Variants in WDR45B observed in about 807,000 individuals in gnomAD.
WDR45B encodes WD repeat domain 45B, also known as WD repeat domain phosphoinositide-interacting protein 3.
A neutral mutation model predicts 44.6 loss-of-function variants in WDR45B; 20 were observed. The observed-to-expected ratio is 0.45, with a 90% confidence interval of 0.32 to 0.65. WDR45B has a LOEUF of 0.65. Among genes scored for constraint, WDR45B ranks in the 30% least tolerant of loss-of-function variants. The pLI, the probability that WDR45B is intolerant of heterozygous loss-of-function variation, is 0.05. For missense variants in WDR45B, 323 were observed against 430.2 expected, an observed-to-expected ratio of 0.75 and a Z score of 2.20; for synonymous variants, 169 against 164.9, an observed-to-expected ratio of 1.02 and a Z score of -0.19.
intron 2 of WDR45B, among the ~76,000 whole-genome samples, chr17:82,634,076 G>A (rs921932514): frequency 6.2e-5 from 9 of 145,416 alleles, no homozygotes; most frequent in Non-Finnish European, 1.0e-4. Context: ...GCTTGAACCC[G>A]GGAAGCGGAC....
intron 2 of WDR45B, among the ~76,000 whole-genome samples, chr17:82,640,046 G>A (rs1274913124): frequency 2.0e-5 from 3 of 152,082 alleles, no homozygotes; most frequent in African/African-American, 4.8e-5. Flanking sequence ...GACCTATGTC[G>A]GGGAGCAGGG....
At position 82,641,088 on chromosome 17, in the gene WDR45B, C is replaced by G. The variant is rs1236390740; in HGVS notation, c.142+2861G>C. Among the ~76,000 whole-genome samples, 3 of 151,018 alleles carry G rather than the reference C, an allele frequency of 2.0e-5. No homozygotes were observed. The Admixed American group carries it at 2.0e-4, about 10-fold the overall frequency. ...TTAAGTGATTCTCGTGCCTCAACCT[C>G]CCCAGTAATTTGAATTACAGGTATG... On this transcript the variant is annotated intron_variant, in intron 2 of 9. Transcript: ENST00000392325.
intron 1 of WDR45B, among the ~76,000 whole-genome samples, chr17:82,645,070 T>A (rs1227839685): frequency 1.3e-5 from 2 of 151,824 alleles, no homozygotes; most frequent in Non-Finnish European, 2.9e-5. Context: ...CCAAGGCAGG[T>A]GGATCACCTG....
At chr17:82,623,402 AAC>A (rs1555648338) in intron 5 of WDR45B, among the ~76,000 whole-genome samples, 31 of 140,260 alleles carry the variant, frequency 2.2e-4, no homozygotes, top group African/African-American at 5.8e-4. Context: ...AAAAAAAAAA[AAC>A]AAACAAAAAA....
intron 2 of WDR45B, among the ~76,000 whole-genome samples, chr17:82,631,789 A>G (rs1222078998): frequency 6.6e-6 from 1 of 151,946 alleles, no homozygotes; most frequent in Non-Finnish European, 1.5e-5. Flanking sequence ...TCACATTTCA[A>G]GAGGTGGCAA....
rs62079708 is a variant in WDR45B at position 82,635,767 on chromosome 17, T to C, written c.143-4745A>G. ...GCAACAAGTCATTCCCTTAGCAAGA[T>C]GTGATTCTAGCTAATGGTTAAGTAA... On this transcript the variant is annotated intron_variant, in intron 2 of 9. Coordinates refer to ENST00000392325, the MANE Select transcript of WDR45B (RefSeq NM_019613.4). 7.1e-3 allele frequency among the ~76,000 whole-genome samples: 1,086 copies of C among 152,070 alleles called. 10 individuals are homozygous for C. The highest frequency in any genetic ancestry group is 0.031 in the Middle Eastern group (9 of 294).
Position 82,621,657 on chromosome 17 carries a change from G to A in WDR45B, c.570C>T (p.Cys190=), listed in dbSNP as rs1416348802. The A allele has an allele frequency of 6.2e-7, 1 of 1,614,218 alleles. No individual in the cohort carries two copies. Among genetic ancestry groups the A allele is most frequent in the Middle Eastern group, 1.6e-4 (1 of 6,062 alleles). The change falls in exon 6 of 10, where the codon TGC becomes TGT. Residue 190 remains cysteine, a synonymous_variant. Coordinates refer to ENST00000392325, the MANE Select transcript of WDR45B (RefSeq NM_019613.4). ...TTGTTCCCTGCAGGTTGAGTGCAAT[G>A]CAGCTCAGGACACCCTCGTGTGCAG... ...DIPAHEGVLS[C]IALNLQGTRI...
At position 82,615,882 on chromosome 17, in the gene WDR45B, C is replaced by A; in HGVS notation, c.*37G>T. The A allele has an allele frequency of 1.3e-6, 2 of 1,589,358 alleles. No homozygotes were observed. Among genetic ancestry groups the A allele is most frequent in the Non-Finnish European group, 1.7e-6 (2 of 1,158,668 alleles). On this transcript the variant is annotated 3_prime_UTR_variant, in exon 10 of 10. Transcript: ENST00000392325. ...GGCACCAGCCCCGAGAGTCTGAAGG[C>A]GGCAGGTGGTGGGTGCTGTGGCGCC... is the stretch of plus-strand genomic sequence containing the variant.
intron 2 of WDR45B, among the ~76,000 whole-genome samples, chr17:82,642,089 T>C (rs1176269701): frequency 6.6e-6 from 1 of 152,008 alleles, no homozygotes; most frequent in Non-Finnish European, 1.5e-5. Flanking sequence ...CCATAGCCTG[T>C]CCCCCCACAC....
intron 8 of WDR45B, among the ~76,000 whole-genome samples, 196 bp from the exon 9 acceptor site, chr17:82,616,841 G>C (rs1016781075): frequency 1.3e-5 from 2 of 151,224 alleles, no homozygotes; most frequent in Admixed American, 1.3e-4. Flanking sequence ...TTTTTGAGAC[G>C]GAGTCTCGCT....
intron 3 of WDR45B, chr17:82,629,700 A>ATTCACG (rs75976357): frequency 0.045 from 44,036 of 985,334 alleles, 1,049 homozygotes; most frequent in Middle Eastern, 0.07. Context: ...TCTTCCGCAC[A>ATTCACG]TTCACGTTCA....
chr17:82,634,099 C>T (rs545235460), intron 2 of WDR45B, among the ~76,000 whole-genome samples: 3 of 124,760 alleles, frequency 2.4e-5, no homozygotes, highest in African/African-American at 6.3e-5. Flanking sequence ...TGCAGTGAGC[C>T]GAGATTGTGA....
intron 2 of WDR45B, among the ~76,000 whole-genome samples, chr17:82,638,047 G>A (rs1223115163): frequency 2.0e-5 from 3 of 150,176 alleles, no homozygotes; most frequent in Non-Finnish European, 4.4e-5. Flanking sequence ...GTAGCCAGGT[G>A]TGGTGGCATG....
intron 6 of WDR45B, among the ~76,000 whole-genome samples, chr17:82,619,847 G>A (rs1266336747): frequency 2.6e-5 from 4 of 152,176 alleles, no homozygotes; most frequent in Admixed American, 6.5e-5. Flanking sequence ...GCAGCCTCAC[G>A]GGGTGACTGC....
chr17:82,641,901 T>C (rs1336144212), intron 2 of WDR45B, among the ~76,000 whole-genome samples: 3 of 150,904 alleles, frequency 2.0e-5, no homozygotes, highest in African/African-American at 4.9e-5. Context: ...ACGTCAGAGA[T>C]AGATATGTAT....
At chr17:82,617,853 G>A (rs1481959143) in intron 7 of WDR45B, among the ~76,000 whole-genome samples, 2 of 152,238 alleles carry the variant, frequency 1.3e-5, no homozygotes, top group East Asian at 3.9e-4. Context: ...GGAGCAGACA[G>A]GGATGTGCTA....
intron 1 of WDR45B, among the ~76,000 whole-genome samples, chr17:82,645,381 A>G (rs2143390890): frequency 6.6e-6 from 1 of 152,324 alleles, no homozygotes; most frequent in Non-Finnish European, 1.5e-5. Context: ...CAAAATCCTC[A>G]ATAGAAAAAT....
At chr17:82,622,722 AT>A (rs79050085) in intron 5 of WDR45B, among the ~76,000 whole-genome samples, 185 of 146,346 alleles carry the variant, frequency 1.3e-3, no homozygotes, top group African/African-American at 1.2e-3. Context: ...ATGACCAAAA[AT>A]TTTTTTTTTT....
Position 82,625,546 on chromosome 17 carries a change from C to T in WDR45B, c.333-63G>A, listed in dbSNP as rs567752530. On this transcript the variant is annotated intron_variant, in intron 4 of 9. Transcript: ENST00000392325. ...GAGTCAAACCCAAACATTTTATGCTCCTGTTCTTATCATACTGAAACTGAG... is the reference window on the plus strand; with the variant it reads ...GAGTCAAACCCAAACATTTTATGCTTCTGTTCTTATCATACTGAAACTGAG... The T allele has an allele frequency of 2.5e-5, 36 of 1,421,794 alleles. No individual in the cohort carries two copies. In the Admixed American group the frequency reaches 2.9e-4, roughly 11 times the overall value. The allele number at this position is 1,421,794 out of a possible 1,614,324, so 88.1% of individuals were successfully genotyped here. A position where few individuals can be genotyped will look rare whatever the true frequency, so the allele number is the denominator to read the frequency against.
Sources: allele counts gnomAD v4.1 joint callset (sites outside exome capture counted in the v4.1 genomes callset), GRCh38; gene constraint gnomAD v4.1.1; transcripts MANE v1.5; gene names NCBI Gene and HGNC (gene_info 2026-07-23, HGNC 2026-07-21).